Variants in CKMT2 observed in about 807,000 individuals in gnomAD.
CKMT2 encodes creatine kinase, mitochondrial 2, also known as creatine kinase S-type, mitochondrial.
A neutral mutation model predicts 48.9 loss-of-function variants in CKMT2; 43 were observed. That is an observed-to-expected ratio of 0.88 (90% CI 0.69 to 1.13). The LOEUF (loss-of-function observed/expected upper bound fraction) is 1.13, where lower values mean the gene tolerates loss of function less well. Ranked by LOEUF, CKMT2 falls within the 50% of genes most tolerant of loss-of-function variation. CKMT2 has a pLI of 0.00. For synonymous variants in CKMT2, 206 were observed against 213.0 expected (o/e 0.97, Z 0.29); for missense variants, 472 against 555.4 (o/e 0.85, Z 1.51).
At chr5:81,249,960 CTTTG>C (rs1195255401) in intron 1 of CKMT2, among the ~76,000 whole-genome samples, 7 of 152,248 alleles carry the variant, frequency 4.6e-5, no homozygotes, top group East Asian at 1.9e-4. Context: ...GTGTCAATTT[CTTTG>C]TTTGCTTAGA....
chr5:81,251,023 G>A (rs1232116895), intron 1 of CKMT2, 90 bp from the exon 2 acceptor site: 1 of 863,208 alleles, frequency 1.2e-6, no homozygotes, highest in Non-Finnish European at 1.8e-6. Context: ...GAGAGGCTAT[G>A]GCTCCTGCAG....
chr5:81,237,588 A>G (rs932433657), intron 1 of CKMT2: 7 of 152,228 alleles, frequency 4.6e-5, no homozygotes, highest in African/African-American at 1.7e-4. Flanking sequence ...TTACTTTTTT[A>G]TCATAAAGAT....
intron 1 of CKMT2, chr5:81,242,514 T>C: frequency 2.1e-6 from 1 of 486,494 alleles, no homozygotes; most frequent in Non-Finnish European, 4.0e-6. Context: ...GTTGATTTGG[T>C]GTTCAGCACA....
In CKMT2 at chr5:81,236,589, G is replaced by A. The variant is rs145153132; in HGVS notation, c.-21+3212G>A. 1.5e-3 allele frequency among the ~76,000 whole-genome samples: 226 copies of A among 152,298 alleles called. 1 individual carries two copies. The highest frequency in any genetic ancestry group is 5.1e-3 in the African/African-American group (210 of 41,574). On this transcript the variant is annotated intron_variant, in intron 1 of 9. Transcript: ENST00000254035. The stretch of plus-strand genomic sequence containing the variant: ...AAAAGAAGACAGAAGGTTTGACTCA[G>A]TCGGTGTATAGGGTTGGAAAGGATA...
At chr5:81,242,517 TCAG>T in intron 1 of CKMT2, 1 of 486,086 alleles carries the variant, frequency 2.1e-6, no homozygotes, top group Admixed American at 2.2e-5. Flanking sequence ...GATTTGGTGT[TCAG>T]CACAAAGGGC....
intron 3 of CKMT2, among the ~76,000 whole-genome samples, 183 bp from the exon 4 acceptor site, chr5:81,254,213 T>C (rs1361073128): frequency 6.8e-6 from 1 of 146,774 alleles, no homozygotes; most frequent in Non-Finnish European, 1.5e-5. Context: ...CTCTTGTTGT[T>C]GTTGTTGTTG....
chr5:81,257,725 T>G lies in CKMT2; in HGVS notation c.756-8T>G. On this transcript the variant is annotated splice_polypyrimidine_tract_variant and splice_region_variant and intron_variant, in intron 6 of 9. Transcript: ENST00000254035. The stretch of plus-strand genomic sequence containing the variant: ...TAACACTCAGTACCATATTTCTCTC[T>G]TCATTAGGCATAATTATGATAAGAC... The G allele has an allele frequency of 6.2e-7, 1 of 1,609,952 alleles. No homozygotes were observed. The highest frequency in any genetic ancestry group is 8.5e-7 in the Non-Finnish European group (1 of 1,177,718).
chr5:81,264,205 G>C (rs1757322025), intron 9 of CKMT2, among the ~76,000 whole-genome samples: 1 of 152,214 alleles, frequency 6.6e-6, no homozygotes, highest in African/African-American at 2.4e-5. Context: ...CATAGACTTT[G>C]TGTGGCCTGA....
At chr5:81,241,934 A>C (rs1190608493) in intron 1 of CKMT2, among the ~76,000 whole-genome samples, 3 of 151,748 alleles carry the variant, frequency 2.0e-5, no homozygotes, top group Admixed American at 2.0e-4. Context: ...CTTCCTTTCC[A>C]ATCTGCCTGC....
At position 81,251,099 on chromosome 5, in the gene CKMT2, T is replaced by A; in HGVS notation, c.-20-14T>A. On this transcript the variant is annotated splice_polypyrimidine_tract_variant and intron_variant, in intron 1 of 9. Transcript: ENST00000254035. Reference sequence around the variant, plus strand: ...TCCTATGAAGCTATCTAATCCAGCTTCTTTGCTTTCCAGACACTCATCCAA... The same window carrying A: ...TCCTATGAAGCTATCTAATCCAGCTACTTTGCTTTCCAGACACTCATCCAA... The A allele has an allele frequency of 6.2e-7, 1 of 1,610,174 alleles. No individual in the cohort carries two copies. The highest frequency in any genetic ancestry group is 8.5e-7 in the Non-Finnish European group (1 of 1,177,770).
At chr5:81,255,725 G>A (rs565441209) in intron 5 of CKMT2, among the ~76,000 whole-genome samples, 49 of 151,832 alleles carry the variant, frequency 3.2e-4, no homozygotes, top group African/African-American at 1.1e-3. Flanking sequence ...GCTTCCCTCC[G>A]GCACCAGGGT....
Position 81,252,721 on chromosome 5 carries a change from A to G in CKMT2, c.179A>G (p.His60Arg), listed in dbSNP as rs776105541. The G allele has an allele frequency of 1.9e-6, 3 of 1,613,982 alleles. No individual in the cohort carries two copies. The African/African-American group carries it at 4.0e-5, about 22-fold the overall frequency. ...PSADYPDLRK[H>R]NNCMAECLTP... The stretch of plus-strand genomic sequence containing the variant: ...GCAGACTACCCAGACCTGCGCAAGC[A>G]CAACAACTGCATGGCCGAGTGCCTC... The change falls in exon 3 of 10, where the codon CAC becomes CGC. Residue 60 changes from histidine (H) to arginine (R), a missense_variant. Physicochemically the swap from His to Arg is conservative, Grantham distance 29. Coordinates refer to ENST00000254035, the MANE Select transcript of CKMT2 (RefSeq NM_001099735.2).
chr5:81,266,327 G>T lies in CKMT2; in HGVS notation c.*69G>T. 6.9e-7 allele frequency: 1 copy of T among 1,451,348 alleles called. No individual in the cohort carries two copies. 89.9% of individuals were successfully genotyped at this position (1,451,348 alleles called of 1,614,324 possible). A position where few individuals can be genotyped will look rare whatever the true frequency, so the allele number is the denominator to read the frequency against. ...ACAGACATAAATCTCTACTCTGAGA[G>T]TTTTTATACACTTGGAAAAATATAA... On this transcript the variant is annotated 3_prime_UTR_variant, in exon 10 of 10. Transcript: ENST00000254035.
intron 1 of CKMT2, among the ~76,000 whole-genome samples, chr5:81,244,409 G>C (rs1561278333): frequency 1.3e-5 from 2 of 152,170 alleles, no homozygotes; most frequent in Admixed American, 1.3e-4. Context: ...TCTTAGCCTG[G>C]TTGTAAGACA....
At chr5:81,257,700 T>G (rs1757061108) in intron 6 of CKMT2, 33 bp from the exon 7 acceptor site, 11 of 1,588,130 alleles carry the variant, frequency 6.9e-6, no homozygotes, top group Non-Finnish European at 9.4e-6. Flanking sequence ...CAAATGCAAT[T>G]AACACTCAGT....
intron 1 of CKMT2, chr5:81,242,530 C>T: frequency 2.1e-6 from 1 of 468,642 alleles, no homozygotes; most frequent in Non-Finnish European, 4.2e-6. Flanking sequence ...GCACAAAGGG[C>T]CTTGACCAAC....
chr5:81,247,248 T>C (rs1409135924), intron 1 of CKMT2, among the ~76,000 whole-genome samples: 1 of 152,198 alleles, frequency 6.6e-6, no homozygotes, highest in Non-Finnish European at 1.5e-5. Context: ...GAGCCTGAGA[T>C]TTCTTTTTGT....
intron 5 of CKMT2, among the ~76,000 whole-genome samples, chr5:81,255,650 T>C (rs1476795399): frequency 6.6e-6 from 1 of 152,132 alleles, no homozygotes; most frequent in African/African-American, 2.4e-5. Context: ...CCCTGACTCT[T>C]GTGGAGCAAG....
In CKMT2 at chr5:81,259,194, T is replaced by G. The variant is rs145624467; in HGVS notation, c.954T>G (p.Pro318=). 2.9e-4 allele frequency: 463 copies of G among 1,614,088 alleles called. 2 individuals are homozygous for G. In the African/African-American group the frequency reaches 5.5e-3, roughly 19 times the overall value. Residue 318 remains proline (P), a synonymous_variant, in exon 8 of 10, where the codon CCT becomes CCG. Coordinates refer to ENST00000254035, the MANE Select transcript of CKMT2 (RefSeq NM_001099735.2). ...GCCTAGGATACATTTTGACCTGTCC[T>G]TCGAACCTTGGAACAGGACTACGAG... ...NERLGYILTC[P]SNLGTGLRAG...
Sources: gnomAD v4.1 joint callset for allele counts (sites outside exome capture counted in the v4.1 genomes callset) on GRCh38, gnomAD v4.1.1 for gene constraint, MANE v1.5 for transcripts, NCBI Gene and HGNC (gene_info 2026-07-23, HGNC 2026-07-21) for gene names.